IGFN1: variants seen among roughly 807,000 people sequenced by gnomAD.
IGFN1 encodes immunoglobulin-like and fibronectin type III domain-containing protein 1.
IGFN1 carries 253 observed loss-of-function variants against 289.5 expected under a neutral mutation model. The observed-to-expected ratio is 0.87, with a 90% confidence interval of 0.79 to 0.97. The LOEUF (loss-of-function observed/expected upper bound fraction) is 0.97, where lower values mean the gene tolerates loss of function less well. Among genes scored for constraint, IGFN1 ranks in the 50% least tolerant of loss-of-function variants. The pLI is 0.00. For synonymous variants in IGFN1, 1,706 were observed against 1,788.5 expected (o/e 0.95, Z 1.16); for missense variants, 4,470 against 4,686.1 (o/e 0.95, Z 1.35).
At chr1:201,195,725 A>G in intron 3 of IGFN1, 114 bp from the exon 4 acceptor site, 1 of 1,142,770 alleles carries the variant, frequency 8.8e-7, no homozygotes, top group Non-Finnish European at 1.2e-6. Flanking sequence ...CCTTTTTGGA[A>G]GGGGCAGTTG....
In IGFN1 at chr1:201,216,747, C is replaced by T. The variant is rs766538758; in HGVS notation, c.9589C>T (p.Pro3197Ser). 1.2e-6 allele frequency: 2 copies of T among 1,601,282 alleles called. No individual in the cohort carries two copies. The highest frequency in any genetic ancestry group is 1.3e-5 in the African/African-American group (1 of 74,484). ...GGAGTCTGAGGAGATATTGGTGGCT[C>T]CTGAGGGTGAGAGAAAAGGCTGGGG... is the stretch of plus-strand genomic sequence containing the variant. ...ALESEEILVA[P>S]EALPKAPSAP... Residue 3197 changes from proline (P) to serine (S), a missense_variant, in exon 16 of 24, where the codon CCT (proline) becomes TCT (serine). By Grantham distance (74) the Pro-to-Ser change is moderately conservative. Coordinates refer to ENST00000335211, the MANE Select transcript of IGFN1 (RefSeq NM_001164586.2).
rs781761585 is a variant in IGFN1 at position 201,208,559 on chromosome 1, G to A, written c.3666G>A (p.Gly1222=). The A allele has an allele frequency of 6.8e-7, 1 of 1,467,516 alleles. No homozygotes were observed. The highest frequency in any genetic ancestry group is 8.9e-7 in the Non-Finnish European group (1 of 1,117,940). The allele number at this position is 1,467,516 out of a possible 1,614,324, so 90.9% of individuals were successfully genotyped here. ...LGYEDGSELP[G]PQGTGVRTAY... is the part of the protein sequence containing the mutation. Reference sequence around the variant, plus strand: ...ATGAGGATGGATCAGAACTTCCAGGGCCTCAGGGAACTGGGGTCAGAACAG... The same window carrying A: ...ATGAGGATGGATCAGAACTTCCAGGACCTCAGGGAACTGGGGTCAGAACAG... The change falls in exon 12 of 24, where the codon GGG becomes GGA. Residue 1222 remains glycine (G), a synonymous_variant. Coordinates refer to ENST00000335211, the MANE Select transcript of IGFN1 (RefSeq NM_001164586.2).
At chr1:201,214,374 A>G in intron 13 of IGFN1, 73 bp downstream of exon 13, 3 of 1,450,258 alleles carry the variant, frequency 2.1e-6, no homozygotes, top group Non-Finnish European at 2.8e-6. Context: ...GCAAGAGCGT[A>G]GAGGCTTTGA....
chr1:201,191,370 G>T (rs947792356), intron 1 of IGFN1, among the ~76,000 whole-genome samples: 2 of 152,180 alleles, frequency 1.3e-5, no homozygotes, highest in African/African-American at 4.8e-5. Flanking sequence ...ACCTGGATGT[G>T]CAGGATGGAT....
chr1:201,211,099 G>T lies in IGFN1; in HGVS notation c.6206G>T (p.Gly2069Val). The change falls in exon 12 of 24, where the codon GGT becomes GTT. Residue 2069 changes from glycine to valine, a missense_variant. By Grantham distance (109) the Gly-to-Val change is moderately radical. Around this residue, in one of 8 missense-constraint regions of IGFN1, gnomAD observed 2,218 missense variants for 2,114.1 expected, o/e 1.05. Transcript: ENST00000335211. ...SVEMGSVNEA[G>V]YRKDLGAPKG... is the part of the protein sequence containing the mutation. ...GAAATGGGGTCAGTGAATGAGGCAG[G>T]TTATAGGAAGGATTTAGGGGCTCCT... 3 of 1,507,824 alleles carry T rather than the reference G, an allele frequency of 2.0e-6. 1 individual carries two copies. In the East Asian group the frequency reaches 7.8e-5, roughly 39 times the overall value. 93.4% of individuals were successfully genotyped at this position (1,507,824 alleles called of 1,614,324 possible). A position where few individuals can be genotyped will look rare whatever the true frequency, so the allele number is the denominator to read the frequency against.
At chr1:201,214,357 G>C in intron 13 of IGFN1, 56 bp downstream of exon 13, 2 of 1,541,808 alleles carry the variant, frequency 1.3e-6, no homozygotes, top group Non-Finnish European at 1.8e-6. Context: ...AGGTAAAGCA[G>C]AGAGGGGCAA....
chr1:201,199,862 C>T (rs906384140), intron 7 of IGFN1, among the ~76,000 whole-genome samples: 4 of 152,120 alleles, frequency 2.6e-5, no homozygotes, highest in African/African-American at 7.2e-5. Context: ...AGCTCTATAT[C>T]CTTGAGTTAA....
chr1:201,221,481 C>T lies in IGFN1; in HGVS notation c.9936C>T (p.Asp3312=). The part of the protein sequence containing the change: ...PGLVRNLQVT[D]RSNTSITLSW... ...TGGTGAGGAATCTCCAAGTCACAGACAGATCGAACACCAGCATCACTCTGA... is the reference window on the plus strand; with the variant it reads ...TGGTGAGGAATCTCCAAGTCACAGATAGATCGAACACCAGCATCACTCTGA... The change falls in exon 19 of 24, where the codon GAC becomes GAT. Residue 3312 remains aspartate, a synonymous_variant. Transcript: ENST00000335211. 3 of 1,610,768 alleles carry T rather than the reference C, an allele frequency of 1.9e-6. No homozygotes were observed. Among genetic ancestry groups the T allele is most frequent in the Non-Finnish European group, 2.5e-6 (3 of 1,178,388 alleles).
rs1404207842 is a variant in IGFN1 at position 201,213,032 on chromosome 1, G to T, written c.8139G>T (p.Leu2713=). 6.4e-7 allele frequency: 1 copy of T among 1,551,600 alleles called. No individual in the cohort carries two copies. Among genetic ancestry groups the T allele is most frequent in the Non-Finnish European group, 8.7e-7 (1 of 1,146,950 alleles). The change falls in exon 12 of 24, where the codon CTG becomes CTT. Residue 2713 remains leucine, a synonymous_variant. Coordinates refer to ENST00000335211, the MANE Select transcript of IGFN1 (RefSeq NM_001164586.2). ...SSVDAEDSGI[L]GKGNSTEWGN... The stretch of plus-strand genomic sequence containing the variant: ...TTGATGCAGAGGACTCAGGTATCCT[G>T]GGCAAGGGGAATTCTACTGAGTGGG...
intron 10 of IGFN1, 64 bp from the exon 11 acceptor site, chr1:201,205,018 G>A: frequency 1.4e-6 from 2 of 1,447,708 alleles, no homozygotes; most frequent in Non-Finnish European, 1.8e-6. Context: ...GGCCAGCCTT[G>A]CTGCCTTAGG....
Position 201,212,107 on chromosome 1 carries a change from G to A in IGFN1, c.7214G>A (p.Gly2405Asp), listed in dbSNP as rs959730502. The change falls in exon 12 of 24, where the codon GGT becomes GAT. Residue 2405 changes from glycine to aspartate, a missense_variant. This residue lies in a region of IGFN1 where 2,218 missense variants were observed against 2,114.1 expected (regional missense o/e 1.05). Coordinates refer to ENST00000335211, the MANE Select transcript of IGFN1 (RefSeq NM_001164586.2). ...ASEGDTNSKD[G>D]PERARETRLV... ...GAGGGTGACACGAACTCCAAGGATG[G>A]TCCAGAGCGAGCCAGGGAAACCAGG... 2.6e-6 allele frequency: 4 copies of A among 1,536,492 alleles called. No individual in the cohort carries two copies. In the African/African-American group the frequency reaches 4.1e-5, roughly 16 times the overall value.
Position 201,226,137 on chromosome 1 carries a change from G to T in IGFN1, c.10786+14G>T. ...CCCGGCAGCGCGGTAAGCAGCCCCTGAGAGGGAGGAGCAGGCAGGGTGGGG... is the reference window on the plus strand; with the variant it reads ...CCCGGCAGCGCGGTAAGCAGCCCCTTAGAGGGAGGAGCAGGCAGGGTGGGG... On this transcript the variant is annotated intron_variant, in intron 22 of 23. Coordinates refer to ENST00000335211, the MANE Select transcript of IGFN1 (RefSeq NM_001164586.2). 1 of 1,565,492 alleles carries T rather than the reference G, an allele frequency of 6.4e-7. No homozygotes were observed. The highest frequency in any genetic ancestry group is 1.2e-5 in the South Asian group (1 of 84,206).
Position 201,203,916 on chromosome 1 carries a change from C to A in IGFN1, c.916+10C>A. On this transcript the variant is annotated intron_variant, in intron 10 of 23. Transcript: ENST00000335211. ...GAACTGGAGGCCAGTGGTGAGTGGT[C>A]TACACTGCCGAAGTTGGAGTTGGGG... The A allele has an allele frequency of 6.5e-7, 1 of 1,547,174 alleles. No individual in the cohort carries two copies. The highest frequency in any genetic ancestry group is 1.2e-5 in the South Asian group (1 of 83,564).
rs1653321934 is a variant in IGFN1, at chr1:201,216,652, A to G, written c.9494A>G (p.His3165Arg). The G allele has an allele frequency of 1.2e-6, 2 of 1,613,914 alleles. No homozygotes were observed. Among genetic ancestry groups the G allele is most frequent in the Admixed American group, 1.7e-5 (1 of 60,004 alleles). ...GACAGCACCACCTTCACGGATGCCCATGTGGAGCCAGGCAGGAAGTATACC... is the reference window on the plus strand; with the variant it reads ...GACAGCACCACCTTCACGGATGCCCGTGTGGAGCCAGGCAGGAAGTATACC... ...PADSTTFTDA[H>R]VEPGRKYTFR... Residue 3165 changes from histidine to arginine, a missense_variant, in exon 16 of 24, where the codon CAT (histidine) becomes CGT (arginine). Transcript: ENST00000335211.
At position 201,227,014 on chromosome 1, in the gene IGFN1, C is replaced by G; in HGVS notation, c.10919C>G (p.Ser3640Trp). 1 of 1,613,448 alleles carries G rather than the reference C, an allele frequency of 6.2e-7. No homozygotes were observed. The highest frequency in any genetic ancestry group is 8.5e-7 in the Non-Finnish European group (1 of 1,180,034). Residue 3640 changes from serine (S) to tryptophan (W), a missense_variant, in exon 23 of 24, where the codon TCG (serine) becomes TGG (tryptophan). Physicochemically the swap from Ser to Trp is radical, Grantham distance 177. Coordinates refer to ENST00000335211, the MANE Select transcript of IGFN1 (RefSeq NM_001164586.2). ...TGCATGAGCTGTGCCGTGCAGGGCT[C>G]GCCCCGGCCCCACGTCACCTGGTTC... Reference protein sequence around the residue: ...ECCMSCAVQGSPRPHVTWFKN... With the variant: ...ECCMSCAVQGWPRPHVTWFKN...
chr1:201,196,584 A>T (rs1031199975), intron 4 of IGFN1, among the ~76,000 whole-genome samples: 2 of 152,186 alleles, frequency 1.3e-5, no homozygotes, highest in African/African-American at 4.8e-5. Context: ...ACCAACAATG[A>T]TCCATCCGCC....
chr1:201,213,079 CT>C lies in IGFN1; in HGVS notation c.8187del (p.Glu2731SerfsTer11). ...TGGGGGAATGCCCTCACCCCAAAAC[CT>C]GGGGAGTCCGGACCTCAGGGAGCCT... ...TEWGNALTPK[P>X]GESGPQGAWN... On this transcript the variant is annotated frameshift_variant, in exon 12 of 24. Coordinates refer to ENST00000335211, the MANE Select transcript of IGFN1 (RefSeq NM_001164586.2). LOFTEE classifies it high-confidence loss of function. 5 of 1,551,646 alleles carry C rather than the reference CT, an allele frequency of 3.2e-6. No individual in the cohort carries two copies. The highest frequency in any genetic ancestry group is 4.4e-6 in the Non-Finnish European group (5 of 1,146,970).
chr1:201,209,086 G>T lies in IGFN1; in HGVS notation c.4193G>T (p.Gly1398Val). The change falls in exon 12 of 24, where the codon GGT becomes GTT. Residue 1398 changes from glycine to valine, a missense_variant. Gly to Val is a moderately radical substitution (Grantham distance 109, BLOSUM62 -3). Around this residue, in one of 8 missense-constraint regions of IGFN1, gnomAD observed 2,011 missense variants for 1,953.4 expected, o/e 1.03. Transcript: ENST00000335211. ...MGAGYRAGLR[G>V]PGEMGSLDES... Reference sequence around the variant, plus strand: ...GCAGGTTACAGGGCTGGTTTAAGGGGTCCTGGGGAGATGGGGTCACTGGAT... The same window carrying T: ...GCAGGTTACAGGGCTGGTTTAAGGGTTCCTGGGGAGATGGGGTCACTGGAT... The T allele has an allele frequency of 3.9e-6, 6 of 1,536,092 alleles. No individual in the cohort carries two copies. Among genetic ancestry groups the T allele is most frequent in the Non-Finnish European group, 5.2e-6 (6 of 1,146,582 alleles).
chr1:201,199,454 G>C (rs932160161), intron 6 of IGFN1, 76 bp downstream of exon 6: 2 of 1,475,144 alleles, frequency 1.4e-6, no homozygotes, highest in African/African-American at 2.8e-5. Context: ...TCCCTGCCTG[G>C]TTGAGCTACC....
Sources: gnomAD v4.1 joint callset for allele counts (sites outside exome capture counted in the v4.1 genomes callset) on GRCh38, gnomAD v4.1.1 for gene constraint, gnomAD v4.1.1 regional missense constraint, MANE v1.5 for transcripts, NCBI Gene and HGNC (gene_info 2026-07-23, HGNC 2026-07-21) for gene names.